The following TPD52L1 variants were observed in gnomAD, a reference collection of about 807,000 sequenced individuals.
The protein encoded by TPD52L1 is tumor protein D53.
A neutral mutation model predicts 28.7 loss-of-function variants in TPD52L1; 18 were observed. That is an observed-to-expected ratio of 0.63 (90% CI 0.43 to 0.93). The LOEUF (loss-of-function observed/expected upper bound fraction) is 0.93, where lower values mean the gene tolerates loss of function less well. Among genes scored for constraint, TPD52L1 ranks in the 40% least tolerant of loss-of-function variants. TPD52L1 has a pLI of 0.00. For missense variants in TPD52L1, 203 were observed against 254.8 expected (o/e 0.80, Z 1.39); for synonymous variants, 75 against 88.8 (o/e 0.84, Z 0.88).
chr6:125,165,089 T>TAC (rs1308406951), intron 1 of TPD52L1, among the ~76,000 whole-genome samples: 1 of 141,594 alleles, frequency 7.1e-6, no homozygotes, highest in African/African-American at 2.8e-5. Context: ...AAAAAAGATA[T>TAC]ATATATATAT....
chr6:125,264,159 T>C lies in TPD52L1; in HGVS notation c.*1197T>C, dbSNP rs1478414531. The stretch of plus-strand genomic sequence containing the variant: ...GCACTAACTTTTATCTTATATATCA[T>C]ATGTATCTCTTTTCTTTTTCTAAAT... On this transcript the variant is annotated 3_prime_UTR_variant, in exon 7 of 7. Transcript: ENST00000534000. 1 of 152,222 alleles carries C rather than the reference T, an allele frequency of 6.6e-6. No homozygotes were observed. The highest frequency in any genetic ancestry group is 1.5e-5 in the Non-Finnish European group (1 of 68,044). The allele number at this position is 152,222 out of a possible 1,614,324, so 9.4% of individuals were successfully genotyped here.
At chr6:125,237,930 G>C (rs577932676) in intron 3 of TPD52L1, among the ~76,000 whole-genome samples, 99 of 152,286 alleles carry the variant, frequency 6.5e-4, no homozygotes, top group African/African-American at 2.3e-3. Context: ...AAAGTGCTGA[G>C]ATTGCAGGCG....
At chr6:125,229,436 A>G (rs918660947) in intron 3 of TPD52L1, among the ~76,000 whole-genome samples, 170 bp downstream of exon 3, 5 of 152,244 alleles carry the variant, frequency 3.3e-5, no homozygotes, top group African/African-American at 1.2e-4. Flanking sequence ...AGTATGCTGC[A>G]TGTGAAGCAG....
intron 1 of TPD52L1, chr6:125,214,302 A>T: frequency 4.9e-6 from 1 of 205,856 alleles, no homozygotes; most frequent in South Asian, 1.7e-4. Flanking sequence ...CAGAATCTCC[A>T]GCAGATTCTT....
At chr6:125,174,158 G>A (rs1432317149) in intron 1 of TPD52L1, among the ~76,000 whole-genome samples, 1 of 152,072 alleles carries the variant, frequency 6.6e-6, no homozygotes, top group Non-Finnish European at 1.5e-5. Flanking sequence ...TACTATTATG[G>A]CAATGAAAGA....
intron 1 of TPD52L1, among the ~76,000 whole-genome samples, chr6:125,187,400 T>G (rs1487381663): frequency 6.6e-6 from 1 of 152,194 alleles, no homozygotes; most frequent in Admixed American, 6.5e-5. Flanking sequence ...ATTTAAATTC[T>G]TCTCCTGGAA....
chr6:125,204,637 G>T (rs1328420905), intron 1 of TPD52L1, among the ~76,000 whole-genome samples: 1 of 151,992 alleles, frequency 6.6e-6, no homozygotes, highest in African/African-American at 2.4e-5. Context: ...CCGCCGTCAC[G>T]CCCGGGTAAC....
chr6:125,211,301 ATCTATCG>A (rs1052103317), intron 1 of TPD52L1, among the ~76,000 whole-genome samples: 11 of 147,474 alleles, frequency 7.5e-5, no homozygotes, highest in African/African-American at 2.1e-4. Flanking sequence ...CTATCTATCT[ATCTATCG>A]TGTAACACAT....
At chr6:125,216,529 G>GTGTGTATATATA (rs1314530488) in intron 1 of TPD52L1, among the ~76,000 whole-genome samples, 2 of 69,074 alleles carry the variant, frequency 2.9e-5, no homozygotes, top group African/African-American at 1.7e-4. Flanking sequence ...GTATGTGTGT[G>GTGTGTATATATA]TATATATATA....
At chr6:125,162,790 G>A (rs909323095) in intron 1 of TPD52L1, among the ~76,000 whole-genome samples, 2 of 152,160 alleles carry the variant, frequency 1.3e-5, no homozygotes, top group Admixed American at 6.5e-5. Flanking sequence ...TTAAAGCAGG[G>A]CCTAGCACAT....
At chr6:125,196,840 C>G (rs1247434121) in intron 1 of TPD52L1, among the ~76,000 whole-genome samples, 1 of 152,136 alleles carries the variant, frequency 6.6e-6, no homozygotes, top group African/African-American at 2.4e-5. Flanking sequence ...AAGAATCTTG[C>G]TCAGAGCCAA....
At chr6:125,202,245 C>G (rs1793839456) in intron 1 of TPD52L1, among the ~76,000 whole-genome samples, 2 of 152,226 alleles carry the variant, frequency 1.3e-5, no homozygotes, top group South Asian at 4.2e-4. Context: ...AAAAAAAAAG[C>G]TACATTTTGT....
chr6:125,261,503 A>G (rs986313861), intron 6 of TPD52L1: 1 of 152,118 alleles, frequency 6.6e-6, no homozygotes, highest in African/African-American at 2.4e-5. Context: ...ATGAAAAACA[A>G]TGGGAGGGAA....
chr6:125,167,881 G>T (rs1359129906), intron 1 of TPD52L1, among the ~76,000 whole-genome samples: 1 of 151,978 alleles, frequency 6.6e-6, no homozygotes, highest in Non-Finnish European at 1.5e-5. Context: ...AAAATGGGGT[G>T]GGTTGAGTAA....
chr6:125,185,214 A>G (rs1434896264), intron 1 of TPD52L1, among the ~76,000 whole-genome samples: 1 of 152,220 alleles, frequency 6.6e-6, no homozygotes, highest in Non-Finnish European at 1.5e-5. Flanking sequence ...TTGGTTTTAT[A>G]GTGGTATATT....
chr6:125,172,247 CCTTT>C (rs1791454752), intron 1 of TPD52L1, among the ~76,000 whole-genome samples: 3 of 136,586 alleles, frequency 2.2e-5, no homozygotes, highest in African/African-American at 8.2e-5. Context: ...TTCCTTTCTT[CCTTT>C]CTTTTCCTTC....
chr6:125,154,750 C>G (rs529730901), intron 1 of TPD52L1, among the ~76,000 whole-genome samples: 1 of 152,044 alleles, frequency 6.6e-6, no homozygotes, highest in South Asian at 2.1e-4. Context: ...TGGAAAGGGG[C>G]AGAGGTGGGC....
chr6:125,217,453 AGC>A (rs532867812), intron 1 of TPD52L1, among the ~76,000 whole-genome samples: 42 of 152,320 alleles, frequency 2.8e-4, no homozygotes, highest in African/African-American at 9.6e-4. Context: ...GGAGCACGCA[AGC>A]TAGATCCCTC....
intron 3 of TPD52L1, among the ~76,000 whole-genome samples, chr6:125,247,616 T>C (rs536977209): frequency 7.2e-5 from 11 of 152,334 alleles, no homozygotes; most frequent in Admixed American, 2.6e-4. Flanking sequence ...GTTTCTTCTT[T>C]ATCCCTTTGT....
Sources: gnomAD v4.1 joint callset for allele counts (sites outside exome capture counted in the v4.1 genomes callset) on GRCh38, gnomAD v4.1.1 for gene constraint, MANE v1.5 for transcripts, NCBI Gene and HGNC (gene_info 2026-07-23, HGNC 2026-07-21) for gene names.